ROBO2: variants seen among roughly 807,000 people sequenced by gnomAD.
ROBO2 encodes roundabout homolog 2.
ROBO2 carries 53 observed loss-of-function variants against 160.8 expected under a neutral mutation model. That is an observed-to-expected ratio of 0.33 (90% CI 0.26 to 0.41). The LOEUF (loss-of-function observed/expected upper bound fraction) is 0.41. Ranked by LOEUF, ROBO2 falls within the 10% of genes least tolerant of loss-of-function variation. The probability of loss-of-function intolerance (pLI) is 1.00; values close to 1 mark genes in which losing one functional copy is unlikely to be tolerated. For synonymous variants in ROBO2, 664 were observed against 611.7 expected (o/e 1.09, Z -1.26); for missense variants, 1,577 against 1,722.4 (o/e 0.92, Z 1.49).
At chr3:77,520,768 G>C (rs537857869) in intron 5 of ROBO2, among the ~76,000 whole-genome samples, 1 of 151,406 alleles carries the variant, frequency 6.6e-6, no homozygotes, top group Non-Finnish European at 1.5e-5. Context: ...AGCTAAGCAT[G>C]TCATGCAGTT....
At chr3:76,781,980 A>G (rs939126497) in intron 2 of ROBO2, among the ~76,000 whole-genome samples, 2 of 150,776 alleles carry the variant, frequency 1.3e-5, no homozygotes, top group African/African-American at 2.4e-5. Context: ...CCATGAAGCC[A>G]TCGGATCATG....
At chr3:76,454,566 G>A (rs2077651778) in intron 2 of ROBO2, among the ~76,000 whole-genome samples, 1 of 152,072 alleles carries the variant, frequency 6.6e-6, no homozygotes, top group African/African-American at 2.4e-5. Context: ...ACTGACTGCT[G>A]AATATGAACA....
chr3:77,470,712 T>C (rs1157123017), intron 2 of ROBO2, among the ~76,000 whole-genome samples: 1 of 152,206 alleles, frequency 6.6e-6, no homozygotes, highest in Non-Finnish European at 1.5e-5. Flanking sequence ...ATTATATATA[T>C]GGATAAGTAA....
At chr3:77,392,303 T>A (rs1353905686) in intron 2 of ROBO2, among the ~76,000 whole-genome samples, 1 of 152,190 alleles carries the variant, frequency 6.6e-6, no homozygotes, top group African/African-American at 2.4e-5. Context: ...TTGTGCAAAC[T>A]TTGTTTCTGT....
At chr3:77,232,671 T>G (rs909954050) in intron 2 of ROBO2, among the ~76,000 whole-genome samples, 2 of 152,200 alleles carry the variant, frequency 1.3e-5, no homozygotes, top group African/African-American at 4.8e-5. Flanking sequence ...TGGAGTGAAC[T>G]CCAGCAATGT....
At chr3:76,630,711 T>G (rs9842327) in intron 2 of ROBO2, among the ~76,000 whole-genome samples, 148,862 of 152,274 alleles carry the variant, frequency 0.98, 72,841 homozygotes, top group East Asian at 1. Flanking sequence ...TTGAAGTGCT[T>G]GTTAAAAATG....
intron 2 of ROBO2, among the ~76,000 whole-genome samples, chr3:76,508,689 C>T (rs1471788429): frequency 6.6e-6 from 1 of 152,124 alleles, no homozygotes; most frequent in Non-Finnish European, 1.5e-5. Context: ...GCAAATATAG[C>T]TTGCTACCAC....
intron 2 of ROBO2, among the ~76,000 whole-genome samples, chr3:76,956,212 A>G (rs1047476034): frequency 1.3e-5 from 2 of 152,214 alleles, no homozygotes; most frequent in Non-Finnish European, 2.9e-5. Context: ...TATGCATTAG[A>G]TATTTATTTT....
chr3:75,960,090 G>C (rs931512571), intron 2 of ROBO2, among the ~76,000 whole-genome samples: 1 of 151,550 alleles, frequency 6.6e-6, no homozygotes, highest in African/African-American at 2.4e-5. Flanking sequence ...CTTTGCTGGG[G>C]TGAGGGGATT....
At chr3:77,600,539 T>A (rs1321358236) in intron 19 of ROBO2, among the ~76,000 whole-genome samples, 1 of 152,198 alleles carries the variant, frequency 6.6e-6, no homozygotes, top group Non-Finnish European at 1.5e-5. Context: ...AAGCTTGCCA[T>A]CGAAGTGGCT....
At chr3:76,831,930 C>T (rs1576915144) in intron 2 of ROBO2, among the ~76,000 whole-genome samples, 1 of 152,136 alleles carries the variant, frequency 6.6e-6, no homozygotes, top group African/African-American at 2.4e-5. Flanking sequence ...CTGGAATTTA[C>T]CAGAATAGAA....
chr3:76,160,871 A>T (rs1420850147), intron 2 of ROBO2, among the ~76,000 whole-genome samples: 1 of 152,114 alleles, frequency 6.6e-6, no homozygotes. Context: ...AGTTCAAGTG[A>T]ATTTTTCATG....
chr3:77,148,797 G>T (rs2150505146), intron 2 of ROBO2, among the ~76,000 whole-genome samples: 1 of 152,186 alleles, frequency 6.6e-6, no homozygotes, highest in East Asian at 1.9e-4. Context: ...AAATCTAATA[G>T]GGAATTTTAA....
At chr3:76,510,993 A>G (rs1293351965) in intron 2 of ROBO2, among the ~76,000 whole-genome samples, 1 of 152,228 alleles carries the variant, frequency 6.6e-6, no homozygotes, top group African/African-American at 2.4e-5. Flanking sequence ...TTGTGATGAT[A>G]AAACATCTGC....
rs1310071807 is a variant in ROBO2, at chr3:77,323,204, CACTG to C, written c.389-154206_389-154203del. 1.4e-4 allele frequency among the ~76,000 whole-genome samples: 21 copies of C among 151,142 alleles called. No homozygotes were observed. The Admixed American group carries it at 1.4e-3, about 10-fold the overall frequency. On this transcript the variant is annotated intron_variant, in intron 2 of 25. Transcript: ENST00000461745. ...TCCATGTCCATAAACATATTTCCCA[CACTG>C]ACTATCACCCATGTTCCCTCCTACC...
At chr3:76,696,958 T>C (rs957327708) in intron 2 of ROBO2, among the ~76,000 whole-genome samples, 4 of 152,200 alleles carry the variant, frequency 2.6e-5, no homozygotes, top group Admixed American at 2.6e-4. Flanking sequence ...TTGTTTACTT[T>C]TGTACAACAG....
chr3:76,171,669 G>A (rs925429796), intron 2 of ROBO2, among the ~76,000 whole-genome samples: 17 of 151,794 alleles, frequency 1.1e-4, no homozygotes, highest in African/African-American at 4.1e-4. Flanking sequence ...GTGCACATGC[G>A]TAAGACCCAA....
intron 2 of ROBO2, among the ~76,000 whole-genome samples, chr3:76,159,672 T>A (rs1480689182): frequency 6.6e-6 from 1 of 152,102 alleles, no homozygotes; most frequent in Non-Finnish European, 1.5e-5. Flanking sequence ...ACTTCAAAAA[T>A]TTTGTGGAAA....
chr3:77,585,588 T>C (rs2094025077), intron 16 of ROBO2, among the ~76,000 whole-genome samples: 1 of 152,092 alleles, frequency 6.6e-6, no homozygotes, highest in African/African-American at 2.4e-5. Context: ...AATGTAATTA[T>C]AAAAATAGAA....
Sources: allele counts gnomAD v4.1 joint callset (sites outside exome capture counted in the v4.1 genomes callset), GRCh38; gene constraint gnomAD v4.1.1; transcripts MANE v1.5; gene names NCBI Gene and HGNC (gene_info 2026-07-23, HGNC 2026-07-21).